Variants in GNG2 observed in about 807,000 individuals in gnomAD.
The protein encoded by GNG2 is G protein subunit gamma 2, also known as guanine nucleotide-binding protein G(I)/G(S)/G(O) subunit gamma-2.
Under a neutral mutation model 5.5 loss-of-function variants are expected in GNG2, and 5 were observed. The observed-to-expected ratio is 0.91, with a 90% CI of 0.48 to 1.92. GNG2 has a LOEUF of 1.92. GNG2 is among the 30% of genes most tolerant of loss of function. GNG2 has a pLI of 0.01. For synonymous variants in GNG2, 28 were observed against 32.0 expected, an observed-to-expected ratio of 0.88 and a Z score of 0.42; for missense variants, 55 against 88.4, an observed-to-expected ratio of 0.62 and a Z score of 1.52.
chr14:51,864,137 G>GATTC (rs1225445862), intron 1 of GNG2, among the ~76,000 whole-genome samples: 1 of 152,152 alleles, frequency 6.6e-6, no homozygotes, highest in Non-Finnish European at 1.5e-5. Context: ...AATGAACAAG[G>GATTC]ATTCCAACTT....
Position 51,903,206 on chromosome 14 carries a change from G to A in GNG2, c.-30+25549G>A, listed in dbSNP as rs539864661. ...ATATTTGAAATGATATATTTCATAT[G>A]TAATCATTTCAAGTGATTATATTTA... On this transcript the variant is annotated intron_variant, in intron 2 of 3. Transcript: ENST00000556766. Among the ~76,000 whole-genome samples, 534 of 152,254 alleles carry A rather than the reference G, an allele frequency of 3.5e-3. 6 individuals carry two copies. The highest frequency in any genetic ancestry group is 0.022 in the South Asian group (106 of 4,826).
chr14:51,945,104 T>A (rs1393974501), intron 2 of GNG2, among the ~76,000 whole-genome samples: 2 of 149,450 alleles, frequency 1.3e-5, no homozygotes, highest in Admixed American at 6.7e-5. Flanking sequence ...TTAGGATGGC[T>A]ACTATGAAAA....
chr14:51,968,069 CTTTG>C lies in GNG2; in HGVS notation c.*1386_*1389del, dbSNP rs901388605. On this transcript the variant is annotated 3_prime_UTR_variant, in exon 4 of 4. Transcript: ENST00000556766. Reference sequence around the variant, plus strand: ...CACTTAACAAATTTTTTAATGGAATCTTTGTTTTTGTTCTCCATCTTGTTTGTTA... The same window carrying C: ...CACTTAACAAATTTTTTAATGGAATCTTTTTGTTCTCCATCTTGTTTGTTA... 3 of 152,106 alleles carry C rather than the reference CTTTG, an allele frequency of 2.0e-5. No individual in the cohort carries two copies. Among genetic ancestry groups the C allele is most frequent in the African/African-American group, 7.2e-5 (3 of 41,428 alleles). The allele number at this position is 152,106 out of a possible 1,614,324, so 9.4% of individuals were successfully genotyped here.
At chr14:51,947,632 C>T (rs574817102) in intron 2 of GNG2, among the ~76,000 whole-genome samples, 6 of 152,220 alleles carry the variant, frequency 3.9e-5, no homozygotes, top group African/African-American at 1.2e-4. Context: ...CAGTGAGACC[C>T]ATTTGAGACT....
At chr14:51,850,579 G>A (rs1881859932) in intron 2 of GNG2, among the ~76,000 whole-genome samples, 1 of 152,114 alleles carries the variant, frequency 6.6e-6, no homozygotes, top group Non-Finnish European at 1.5e-5. Context: ...AGAGTCCATT[G>A]TATTAGGCTG....
At chr14:51,928,859 CA>C (rs1887494809) in intron 2 of GNG2, among the ~76,000 whole-genome samples, 1 of 151,888 alleles carries the variant, frequency 6.6e-6, no homozygotes, top group Admixed American at 6.6e-5. Flanking sequence ...AGGCGTGAGC[CA>C]CCGCGCCTGG....
chr14:51,896,931 CA>C (rs1357887213), intron 2 of GNG2, among the ~76,000 whole-genome samples: 1 of 151,698 alleles, frequency 6.6e-6, no homozygotes, highest in African/African-American at 2.4e-5. Flanking sequence ...AACATAAAGC[CA>C]AAAAAGATGA....
At chr14:51,922,151 A>G (rs191150201) in intron 2 of GNG2, among the ~76,000 whole-genome samples, 3 of 152,254 alleles carry the variant, frequency 2.0e-5, no homozygotes, top group Admixed American at 1.3e-4. Context: ...AACTCTGACA[A>G]TTCAGACTAT....
chr14:51,826,720 A>G (rs1336515096), intron 1 of GNG2, among the ~76,000 whole-genome samples: 2 of 152,186 alleles, frequency 1.3e-5, no homozygotes, highest in African/African-American at 2.4e-5. Flanking sequence ...AAGAAATCAC[A>G]CTTGATGGGA....
intron 2 of GNG2, among the ~76,000 whole-genome samples, chr14:51,913,765 G>A (rs1052698614): frequency 6.6e-6 from 1 of 152,134 alleles, no homozygotes; most frequent in East Asian, 1.9e-4. Context: ...AGTTACTGTG[G>A]GAGTGGAGGT....
chr14:51,834,262 T>A (rs1038401362), intron 2 of GNG2, among the ~76,000 whole-genome samples: 1 of 152,200 alleles, frequency 6.6e-6, no homozygotes, highest in South Asian at 2.1e-4. Context: ...TACCTATACA[T>A]TGAAGTTCCC....
At chr14:51,880,316 T>C (rs1217601238) in intron 2 of GNG2, among the ~76,000 whole-genome samples, 1 of 152,248 alleles carries the variant, frequency 6.6e-6, no homozygotes, top group Admixed American at 6.5e-5. Context: ...GCTGTTATTT[T>C]ATGTATTATT....
chr14:51,919,570 C>G (rs1886885038), intron 2 of GNG2, among the ~76,000 whole-genome samples: 1 of 152,142 alleles, frequency 6.6e-6, no homozygotes, highest in African/African-American at 2.4e-5. Flanking sequence ...TTAGACTGGT[C>G]TTTTTCCTTA....
chr14:51,855,490 T>C (rs780600797), upstream of GNG2, among the ~76,000 whole-genome samples: 21 of 152,248 alleles, frequency 1.4e-4, no homozygotes, highest in African/African-American at 4.6e-4. Flanking sequence ...ATCATGATTA[T>C]ATCTTTTTGA....
chr14:51,914,984 G>A (rs1375247041), intron 2 of GNG2, among the ~76,000 whole-genome samples: 2 of 152,214 alleles, frequency 1.3e-5, no homozygotes, highest in African/African-American at 4.8e-5. Flanking sequence ...GTCACTCCAT[G>A]ACTGCTTGCT....
intron 2 of GNG2, among the ~76,000 whole-genome samples, chr14:51,908,958 AT>A (rs2140197343): frequency 6.6e-6 from 1 of 152,200 alleles, no homozygotes; most frequent in East Asian, 1.9e-4. Flanking sequence ...TAAAGTATAA[AT>A]AATACTAGGG....
At chr14:51,952,436 C>A (rs1889037088) in intron 3 of GNG2, among the ~76,000 whole-genome samples, 1 of 152,166 alleles carries the variant, frequency 6.6e-6, no homozygotes, top group Admixed American at 6.5e-5. Context: ...GGGCACAATA[C>A]CTGCTGAGAG....
chr14:51,845,814 A>T (rs1408933612), intron 2 of GNG2, among the ~76,000 whole-genome samples: 1 of 152,114 alleles, frequency 6.6e-6, no homozygotes, highest in Admixed American at 6.5e-5. Flanking sequence ...CCACCTATTG[A>T]TCCAGTTTGG....
At chr14:51,838,942 T>C (rs531109530) in intron 2 of GNG2, among the ~76,000 whole-genome samples, 1 of 152,252 alleles carries the variant, frequency 6.6e-6, no homozygotes, top group African/African-American at 2.4e-5. Flanking sequence ...CAGCAATAAG[T>C]GACCCCATAG....
Sources: gnomAD v4.1 joint callset for allele counts (sites outside exome capture counted in the v4.1 genomes callset) on GRCh38, gnomAD v4.1.1 for gene constraint, MANE v1.5 for transcripts, NCBI Gene and HGNC (gene_info 2026-07-23, HGNC 2026-07-21) for gene names.